Variants in NKAIN2 observed in about 807,000 individuals in gnomAD.
NKAIN2 encodes sodium/potassium transporting ATPase interacting 2.
A neutral mutation model predicts 32.6 loss-of-function variants in NKAIN2; 14 were observed. That is an observed-to-expected ratio of 0.43 (90% CI 0.28 to 0.67). The LOEUF (loss-of-function observed/expected upper bound fraction) is 0.67. Ranked by LOEUF, NKAIN2 falls within the 30% of genes least tolerant of loss-of-function variation. NKAIN2 has a pLI of 0.17. For missense variants in NKAIN2, 198 were observed against 258.3 expected, an observed-to-expected ratio of 0.77 and a Z score of 1.60; for synonymous variants, 80 against 87.2, an observed-to-expected ratio of 0.92 and a Z score of 0.46.
chr6:124,375,481 C>T (rs888339053), intron 3 of NKAIN2, among the ~76,000 whole-genome samples: 6 of 148,282 alleles, frequency 4.0e-5, no homozygotes, highest in South Asian at 2.1e-4. Flanking sequence ...ATTGATAATG[C>T]GTCAAAGGAA....
At chr6:124,345,516 G>A (rs1436408946) in intron 2 of NKAIN2, among the ~76,000 whole-genome samples, 1 of 151,952 alleles carries the variant, frequency 6.6e-6, no homozygotes, top group African/African-American at 2.4e-5. Flanking sequence ...TTCAGATCCT[G>A]TTATTGGTCT....
intron 1 of NKAIN2, among the ~76,000 whole-genome samples, chr6:124,062,064 C>T (rs1057267886): frequency 4.6e-5 from 7 of 152,058 alleles, no homozygotes; most frequent in African/African-American, 9.7e-5. Context: ...CTTTTAAAAC[C>T]GTTTCTTTCA....
chr6:124,499,949 A>G (rs1435327237), intron 3 of NKAIN2, among the ~76,000 whole-genome samples: 3 of 152,018 alleles, frequency 2.0e-5, no homozygotes, highest in Non-Finnish European at 2.9e-5. Context: ...CCTCCAAACT[A>G]TCTTTCTGAA....
chr6:124,222,277 G>T (rs1791874457), intron 1 of NKAIN2, among the ~76,000 whole-genome samples: 1 of 152,144 alleles, frequency 6.6e-6, no homozygotes, highest in Non-Finnish European at 1.5e-5. Flanking sequence ...ATTACACTGA[G>T]GTTTGGGAAA....
At chr6:124,264,742 T>G (rs1401550805) in intron 1 of NKAIN2, among the ~76,000 whole-genome samples, 1 of 152,188 alleles carries the variant, frequency 6.6e-6, no homozygotes, top group African/African-American at 2.4e-5. Context: ...AATTCTTGAG[T>G]AGGGCAGCAT....
At chr6:124,384,786 C>G (rs1235995831) in intron 3 of NKAIN2, among the ~76,000 whole-genome samples, 1 of 152,092 alleles carries the variant, frequency 6.6e-6, no homozygotes, top group Non-Finnish European at 1.5e-5. Context: ...TGTAAACACA[C>G]CCAGCTAGTT....
chr6:124,749,756 C>A (rs747926364), intron 4 of NKAIN2, among the ~76,000 whole-genome samples: 8 of 151,914 alleles, frequency 5.3e-5, no homozygotes, highest in Non-Finnish European at 1.2e-4. Context: ...AATTGTAGAT[C>A]AAAAATCCAC....
chr6:124,559,818 G>A (rs1031888841), intron 3 of NKAIN2, among the ~76,000 whole-genome samples: 5 of 146,762 alleles, frequency 3.4e-5, no homozygotes, highest in African/African-American at 7.5e-5. Context: ...TGTGGAAGGC[G>A]AGTAAGAAAT....
chr6:124,588,200 G>A (rs1781779240), intron 3 of NKAIN2, among the ~76,000 whole-genome samples: 2 of 152,100 alleles, frequency 1.3e-5, no homozygotes, highest in African/African-American at 4.8e-5. Flanking sequence ...GCATCGTGGA[G>A]ATATAATCAG....
At chr6:123,989,571 A>G (rs1307512245) in intron 1 of NKAIN2, among the ~76,000 whole-genome samples, 1 of 152,178 alleles carries the variant, frequency 6.6e-6, no homozygotes, top group Non-Finnish European at 1.5e-5. Context: ...TCATTAAGAG[A>G]TTCATTTCTG....
intron 2 of NKAIN2, among the ~76,000 whole-genome samples, chr6:124,291,947 CA>C (rs988745147): frequency 4.2e-4 from 64 of 152,214 alleles, no homozygotes; most frequent in African/African-American, 1.5e-3. Context: ...GTCAAACCTT[CA>C]GAGGGAAAGT....
chr6:124,451,905 A>T (rs897961142), intron 3 of NKAIN2, among the ~76,000 whole-genome samples: 1 of 151,876 alleles, frequency 6.6e-6, no homozygotes, highest in Admixed American at 6.6e-5. Context: ...ATCTCTTCAA[A>T]CCTGGAGGCT....
intron 1 of NKAIN2, among the ~76,000 whole-genome samples, chr6:124,143,655 T>C (rs1181176893): frequency 6.6e-6 from 1 of 152,154 alleles, no homozygotes; most frequent in Non-Finnish European, 1.5e-5. Context: ...ACCACACCCA[T>C]GTATTCATGA....
intron 3 of NKAIN2, among the ~76,000 whole-genome samples, chr6:124,445,816 T>C (rs771166846): frequency 1.3e-5 from 2 of 152,020 alleles, no homozygotes; most frequent in African/African-American, 4.8e-5. Flanking sequence ...TGCCCAGGCT[T>C]GGCATGTCAT....
At chr6:124,727,117 A>C (rs1776366554) in intron 4 of NKAIN2, among the ~76,000 whole-genome samples, 1 of 152,166 alleles carries the variant, frequency 6.6e-6, no homozygotes, top group African/African-American at 2.4e-5. Context: ...AATGGAACCC[A>C]GTTGGAAAAC....
At chr6:123,930,915 A>T (rs1776225217) in intron 1 of NKAIN2, among the ~76,000 whole-genome samples, 1 of 152,174 alleles carries the variant, frequency 6.6e-6, no homozygotes, top group Admixed American at 6.5e-5. Context: ...ATTAATAGAA[A>T]TTCAGAAAGA....
At chr6:124,589,501 A>C (rs1362630129) in intron 3 of NKAIN2, among the ~76,000 whole-genome samples, 1 of 152,162 alleles carries the variant, frequency 6.6e-6, no homozygotes, top group Non-Finnish European at 1.5e-5. Context: ...ACTTCTTCCT[A>C]TTAGGGAACA....
chr6:124,538,490 C>CTTAT (rs541926132), intron 3 of NKAIN2, among the ~76,000 whole-genome samples: 64 of 152,056 alleles, frequency 4.2e-4, no homozygotes, highest in African/African-American at 1.5e-3. Flanking sequence ...TGTTTGTTTG[C>CTTAT]TTATTTATTT....
chr6:124,080,524 A>T (rs1325759270), intron 1 of NKAIN2, among the ~76,000 whole-genome samples: 2 of 152,176 alleles, frequency 1.3e-5, no homozygotes, highest in Admixed American at 1.3e-4. Context: ...TCCATTTTAT[A>T]TATAATATAC....
Sources: gnomAD v4.1 joint callset for allele counts (sites outside exome capture counted in the v4.1 genomes callset) on GRCh38, gnomAD v4.1.1 for gene constraint, MANE v1.5 for transcripts, NCBI Gene and HGNC (gene_info 2026-07-23, HGNC 2026-07-21) for gene names.